The following KCNQ1OT1 variants were observed in gnomAD, a reference collection of about 807,000 sequenced individuals.
KCNQ1OT1 encodes the protein KCNQ1 antisense RNA 2 (non-protein coding).
chr11:2,619,009 T>C (rs1849118200), exon 1 of KCNQ1OT1: 1 of 398,438 alleles, frequency 2.5e-6, no homozygotes, highest in Non-Finnish European at 4.4e-6. Flanking sequence ...GCAACTACTG[T>C]TTTATATTGA....
chr11:2,692,502 C>T (rs1850605486), exon 1 of KCNQ1OT1: 1 of 398,632 alleles, frequency 2.5e-6, no homozygotes, highest in African/African-American at 2.1e-5. Context: ...GGCTTCTTTC[C>T]ATCCCAGGTG....
At chr11:2,616,148 T>C in exon 1 of KCNQ1OT1, 1 of 398,126 alleles carries the variant, frequency 2.5e-6, no homozygotes, top group Non-Finnish European at 4.4e-6. Context: ...TTATTCATAG[T>C]ATTCTTTTAT....
exon 1 of KCNQ1OT1, chr11:2,662,791 G>A: frequency 2.5e-6 from 1 of 399,102 alleles, no homozygotes; most frequent in Non-Finnish European, 4.4e-6. Flanking sequence ...AAATGTCTTT[G>A]TGTCAAGATC....
chr11:2,619,506 AAATT>A, exon 1 of KCNQ1OT1: 1 of 398,580 alleles, frequency 2.5e-6, no homozygotes, highest in East Asian at 3.6e-5. Flanking sequence ...TGCATGCCAG[AAATT>A]AATTCCACAT....
chr11:2,690,891 T>C lies in KCNQ1OT1; in HGVS notation n.9104A>G, dbSNP rs1212412234. On this transcript the variant is annotated non_coding_transcript_exon_variant, in exon 1 of 1. Coordinates refer to ENST00000597346, the Ensembl canonical transcript of KCNQ1OT1. The surrounding 1 kb of genome is among the most constrained non-coding windows in gnomAD (Gnocchi z 5.1). ...ACAGGAGTGTAAGCCACTGTTTCCGTCTGGGTTTTGTCATGTGTAGGTCCC... is the reference window on the plus strand; with the variant it reads ...ACAGGAGTGTAAGCCACTGTTTCCGCCTGGGTTTTGTCATGTGTAGGTCCC... 2 of 398,506 alleles carry C rather than the reference T, an allele frequency of 5.0e-6. No individual in the cohort carries two copies. The highest frequency in any genetic ancestry group is 3.6e-5 in the East Asian group (1 of 28,082). 24.7% of individuals were successfully genotyped at this position (398,506 alleles called of 1,614,324 possible).
rs1850309649 is a variant in KCNQ1OT1, at chr11:2,677,251, G to C, written n.22744C>G. 2 of 397,172 alleles carry C rather than the reference G, an allele frequency of 5.0e-6. No homozygotes were observed. The highest frequency in any genetic ancestry group is 8.8e-6 in the Non-Finnish European group (2 of 226,008). 24.6% of individuals were successfully genotyped at this position (397,172 alleles called of 1,614,324 possible). A position where few individuals can be genotyped will look rare whatever the true frequency, so the allele number is the denominator to read the frequency against. On this transcript the variant is annotated non_coding_transcript_exon_variant, in exon 1 of 1. Transcript: ENST00000597346. This position sits in a 1 kb window ranked among gnomAD's most constrained non-coding sequence, Gnocchi z 4.5. ...CAATATAAAGCACACACAAAGTAAA[G>C]AGGAACTTATAAAGAGGAACTGTAA...
rs1439679054 is a variant in KCNQ1OT1, at chr11:2,645,758, A to G, written n.54237T>C. On this transcript the variant is annotated non_coding_transcript_exon_variant, in exon 1 of 1. Transcript: ENST00000597346. The surrounding 1 kb of genome is among the most constrained non-coding windows in gnomAD (Gnocchi z 5.8). ...GTCCATGGGGCTCCAGGGATGAGATAGAGGGATGTGGGGCCCACAGCAGAT... is the reference window on the plus strand; with the variant it reads ...GTCCATGGGGCTCCAGGGATGAGATGGAGGGATGTGGGGCCCACAGCAGAT... 3 of 398,638 alleles carry G rather than the reference A, an allele frequency of 7.5e-6. No homozygotes were observed. The highest frequency in any genetic ancestry group is 1.3e-5 in the Non-Finnish European group (3 of 226,212). 24.7% of individuals were successfully genotyped at this position (398,638 alleles called of 1,614,324 possible). A position where few individuals can be genotyped will look rare whatever the true frequency, so the allele number is the denominator to read the frequency against.
chr11:2,679,190 T>C lies in KCNQ1OT1; in HGVS notation n.20805A>G, dbSNP rs1850344810. ...GTTTCCATGTCTGAGTTAGGCCACC[T>C]GTAACAATGCAGCCCCATCCATGTG... On this transcript the variant is annotated non_coding_transcript_exon_variant, in exon 1 of 1. Coordinates refer to ENST00000597346, the Ensembl canonical transcript of KCNQ1OT1. The surrounding 1 kb of genome is among the most constrained non-coding windows in gnomAD (Gnocchi z 4.8). 5 of 398,538 alleles carry C rather than the reference T, an allele frequency of 1.3e-5. No individual in the cohort carries two copies. The highest frequency in any genetic ancestry group is 8.8e-5 in the Admixed American group (2 of 22,714). The allele number at this position is 398,538 out of a possible 1,614,324, so 24.7% of individuals were successfully genotyped here. A position where few individuals can be genotyped will look rare whatever the true frequency, so the allele number is the denominator to read the frequency against.
chr11:2,664,078 A>G lies in KCNQ1OT1; in HGVS notation n.35917T>C, dbSNP rs1384556633. 4 of 398,772 alleles carry G rather than the reference A, an allele frequency of 1.0e-5. No individual in the cohort carries two copies. The highest frequency in any genetic ancestry group is 1.3e-5 in the Non-Finnish European group (3 of 226,164). The allele number at this position is 398,772 out of a possible 1,614,324, so 24.7% of individuals were successfully genotyped here. The stretch of plus-strand genomic sequence containing the variant: ...ATGGCCTCCAGTGATAAGTGGGCCC[A>G]GGCAGGTCAGAGACTCCAGTCATTA... On this transcript the variant is annotated non_coding_transcript_exon_variant, in exon 1 of 1. Coordinates refer to ENST00000597346, the Ensembl canonical transcript of KCNQ1OT1. This position sits in a 1 kb window ranked among gnomAD's most constrained non-coding sequence, Gnocchi z 5.1.
chr11:2,634,754 C>T lies in KCNQ1OT1; in HGVS notation n.65241G>A, dbSNP rs1321328822. ...GTTCTAGATCCTTGAGGAATCACCA[C>T]ACTGTCTTCTACAATGGTTGAACTA... On this transcript the variant is annotated non_coding_transcript_exon_variant, in exon 1 of 1. Transcript: ENST00000597346. The T allele has an allele frequency of 3.9e-5, 6 of 152,346 alleles. No individual in the cohort carries two copies. The East Asian group carries it at 5.8e-4, about 15-fold the overall frequency. The allele number at this position is 152,346 out of a possible 1,614,324, so 9.4% of individuals were successfully genotyped here.
chr11:2,696,003 T>C (rs1850670179), exon 1 of KCNQ1OT1: 1 of 398,642 alleles, frequency 2.5e-6, no homozygotes, highest in Non-Finnish European at 4.4e-6. Context: ...CAAAGTTACA[T>C]TCATGAGTGT....
At position 2,657,401 on chromosome 11, in the gene KCNQ1OT1, T is replaced by A; in HGVS notation, n.42594A>T. 2.5e-6 allele frequency: 1 copy of A among 398,594 alleles called. No individual in the cohort carries two copies. Among genetic ancestry groups the A allele is most frequent in the Non-Finnish European group, 4.4e-6 (1 of 226,038 alleles). 24.7% of individuals were successfully genotyped at this position (398,594 alleles called of 1,614,324 possible). A position where few individuals can be genotyped will look rare whatever the true frequency, so the allele number is the denominator to read the frequency against. On this transcript the variant is annotated non_coding_transcript_exon_variant, in exon 1 of 1. Transcript: ENST00000597346. The surrounding 1 kb of genome is among the most constrained non-coding windows in gnomAD (Gnocchi z 4.8). ...TTGTCTCTTACTAAAGTTTTACAAT[T>A]TTCTCCAGAGTTCTTGCATATACTT...
exon 1 of KCNQ1OT1, chr11:2,699,777 AGGAGAACCGCGCCGAGGGGCGCGCCGG>A (rs1437832704): frequency 2.7e-6 from 1 of 370,464 alleles, no homozygotes; most frequent in African/African-American, 2.3e-5. Flanking sequence ...AGGAGCCCCG[AGGAGAACCGCGCCGAGGGGCGCGCCGG>A]GGAGAACCAC....
exon 1 of KCNQ1OT1, chr11:2,633,747 T>G (rs1276058365): frequency 2.5e-6 from 1 of 398,476 alleles, no homozygotes; most frequent in African/African-American, 2.1e-5. Flanking sequence ...GCCCATTGCA[T>G]GCTAATTTGG....
Position 2,647,045 on chromosome 11 carries a change from G to A in KCNQ1OT1, n.52950C>T, listed in dbSNP as rs763116966. 1 of 398,528 alleles carries A rather than the reference G, an allele frequency of 2.5e-6. No individual in the cohort carries two copies. Among genetic ancestry groups the A allele is most frequent in the Non-Finnish European group, 4.4e-6 (1 of 226,044 alleles). The allele number at this position is 398,528 out of a possible 1,614,324, so 24.7% of individuals were successfully genotyped here. A position where few individuals can be genotyped will look rare whatever the true frequency, so the allele number is the denominator to read the frequency against. ...CTGCTGAATAAGAATAGTGAAAGTG[G>A]GCATCCTTGTCTTGTTCTAGTTCTA... On this transcript the variant is annotated non_coding_transcript_exon_variant, in exon 1 of 1. Transcript: ENST00000597346. This position sits in a 1 kb window ranked among gnomAD's most constrained non-coding sequence, Gnocchi z 4.0.
At chr11:2,689,001 GT>G in exon 1 of KCNQ1OT1, 3 of 398,744 alleles carry the variant, frequency 7.5e-6, no homozygotes, top group Non-Finnish European at 1.3e-5. Context: ...GAGCCTGCAG[GT>G]CCCTGGGTTG....
In KCNQ1OT1 at chr11:2,659,016, C is replaced by T; in HGVS notation, n.40979G>A. 1 of 398,578 alleles carries T rather than the reference C, an allele frequency of 2.5e-6. No homozygotes were observed. Among genetic ancestry groups the T allele is most frequent in the East Asian group, 3.6e-5 (1 of 28,072 alleles). 24.7% of individuals were successfully genotyped at this position (398,578 alleles called of 1,614,324 possible). On this transcript the variant is annotated non_coding_transcript_exon_variant, in exon 1 of 1. Coordinates refer to ENST00000597346, the Ensembl canonical transcript of KCNQ1OT1. The surrounding 1 kb of genome is among the most constrained non-coding windows in gnomAD (Gnocchi z 4.3). ...TTTTGAAAGCAACATATGCCAGCTC[C>T]TCCTCCTCCTTTCCTTTCACTGCTA...
chr11:2,645,769 G>T lies in KCNQ1OT1; in HGVS notation n.54226C>A. On this transcript the variant is annotated non_coding_transcript_exon_variant, in exon 1 of 1. Transcript: ENST00000597346. This position sits in a 1 kb window ranked among gnomAD's most constrained non-coding sequence, Gnocchi z 5.8. Reference sequence around the variant, plus strand: ...TCCAGGGATGAGATAGAGGGATGTGGGGCCCACAGCAGATGCAGTCTGGTG... The same window carrying T: ...TCCAGGGATGAGATAGAGGGATGTGTGGCCCACAGCAGATGCAGTCTGGTG... The T allele has an allele frequency of 2.5e-6, 1 of 398,724 alleles. No homozygotes were observed. Among genetic ancestry groups the T allele is most frequent in the South Asian group, 1.3e-4 (1 of 7,834 alleles). The allele number at this position is 398,724 out of a possible 1,614,324, so 24.7% of individuals were successfully genotyped here.
chr11:2,664,591 C>T lies in KCNQ1OT1; in HGVS notation n.35404G>A, dbSNP rs552253543. On this transcript the variant is annotated non_coding_transcript_exon_variant, in exon 1 of 1. Transcript: ENST00000597346. The surrounding 1 kb of genome is among the most constrained non-coding windows in gnomAD (Gnocchi z 5.1). ...TTCTGCCCGCATTGGGGCTGCATTCCTCCACCTCCTGCACAGCCCGCCCAG... is the reference window on the plus strand; with the variant it reads ...TTCTGCCCGCATTGGGGCTGCATTCTTCCACCTCCTGCACAGCCCGCCCAG... 1.3e-5 allele frequency: 5 copies of T among 398,542 alleles called. No individual in the cohort carries two copies. The highest frequency in any genetic ancestry group is 3.6e-5 in the East Asian group (1 of 28,064). 24.7% of individuals were successfully genotyped at this position (398,542 alleles called of 1,614,324 possible). A position where few individuals can be genotyped will look rare whatever the true frequency, so the allele number is the denominator to read the frequency against.
Sources: gnomAD v4.1 joint callset for allele counts on GRCh38, gnomAD v4.1.1 for gene constraint, Gnocchi (gnomAD v3.1) non-coding constraint, MANE v1.5 for transcripts, NCBI Gene and HGNC (gene_info 2026-07-23, HGNC 2026-07-21) for gene names.